EMSY: variants seen among roughly 807,000 people sequenced by gnomAD.
The protein encoded by EMSY is BRCA2-interacting transcriptional repressor EMSY.
EMSY carries 26 observed loss-of-function variants against 134.6 expected under a neutral mutation model. The observed-to-expected ratio is 0.19, with a 90% CI of 0.14 to 0.27. EMSY has a LOEUF of 0.27. EMSY is among the 10% of genes least tolerant of loss of function. The probability of loss-of-function intolerance (pLI) is 1.00; values close to 1 mark genes in which losing one functional copy is unlikely to be tolerated. For missense variants in EMSY, 1,305 were observed against 1,611.4 expected, an observed-to-expected ratio of 0.81 and a Z score of 3.26; for synonymous variants, 579 against 577.8, an observed-to-expected ratio of 1.00 and a Z score of -0.03.
In EMSY at chr11:76,528,426, T is replaced by C. The variant is rs771882531; in HGVS notation, c.2154T>C (p.Asp718=). ...AAGAAGAACCACAGAATTATACAGATAGTAGTTCCTCTTCTACAGAGTCCT... is the reference window on the plus strand; with the variant it reads ...AAGAAGAACCACAGAATTATACAGACAGTAGTTCCTCTTCTACAGAGTCCT... The change falls in exon 14 of 21, where the codon GAT becomes GAC. Residue 718 remains aspartate, a synonymous_variant. Transcript: ENST00000334736. The C allele has an allele frequency of 2.5e-6, 4 of 1,611,286 alleles. No homozygotes were observed. In the South Asian group the frequency reaches 3.3e-5, roughly 13 times the overall value.
chr11:76,450,779 A>G (rs915608642), intron 2 of EMSY, among the ~76,000 whole-genome samples: 1 of 142,654 alleles, frequency 7.0e-6, no homozygotes, highest in Non-Finnish European at 1.5e-5. Context: ...GGTGTGAGCC[A>G]TGAAGCCTGG....
intron 12 of EMSY, among the ~76,000 whole-genome samples, chr11:76,523,868 G>A (rs1444509374): frequency 4.6e-5 from 7 of 151,618 alleles, no homozygotes; most frequent in African/African-American, 1.7e-4. Context: ...AACAAAGCAA[G>A]ACCCCCACCT....
In EMSY at chr11:76,516,355, T is replaced by C. The variant is rs1451443662; in HGVS notation, c.1684+43T>C. The C allele has an allele frequency of 4.3e-6, 6 of 1,391,706 alleles. 1 individual carries two copies. The highest frequency in any genetic ancestry group is 2.5e-5 in the East Asian group (1 of 40,696). The allele number at this position is 1,391,706 out of a possible 1,614,324, so 86.2% of individuals were successfully genotyped here. On this transcript the variant is annotated intron_variant, in intron 11 of 20. Coordinates refer to ENST00000334736, the Ensembl canonical transcript of EMSY. Reference sequence around the variant, plus strand: ...ATGTTAAAGGTATAGGTGGCCTTCATTGAGAGGAAAAAAAAAACTTACTTC... The same window carrying C: ...ATGTTAAAGGTATAGGTGGCCTTCACTGAGAGGAAAAAAAAAACTTACTTC...
chr11:76,454,890 A>G (rs765362474), intron 4 of EMSY, 100 bp downstream of exon 5: 11 of 891,008 alleles, frequency 1.2e-5, no homozygotes, highest in Middle Eastern at 4.5e-4. Context: ...TTTATGAATT[A>G]ACCATGCCCC....
chr11:76,476,239 C>T (rs903277928), intron 8 of EMSY, among the ~76,000 whole-genome samples: 2 of 152,084 alleles, frequency 1.3e-5, no homozygotes, highest in African/African-American at 4.8e-5. Context: ...CTTGTTGCAT[C>T]GTTTTAAGAG....
exon 20 of EMSY, chr11:76,546,011 T>A (rs2136822837): frequency 6.2e-7 from 1 of 1,614,140 alleles, no homozygotes. Context: ...GATACAAATG[T>A]AGAACATATG....
At chr11:76,539,566 G>A in intron 16 of EMSY, 33 bp from the exon 18 acceptor site, 2 of 1,609,946 alleles carry the variant, frequency 1.2e-6, no homozygotes, top group Non-Finnish European at 1.7e-6. Flanking sequence ...CAGATGAAAA[G>A]ACTATGATTT....
intron 7 of EMSY, 142 bp from the exon 9 acceptor site, chr11:76,472,422 T>C: frequency 1.3e-6 from 1 of 769,126 alleles, no homozygotes; most frequent in Non-Finnish European, 2.0e-6. Context: ...AAAATTTTAA[T>C]ATATTTTTAG....
chr11:76,500,286 CTT>C lies in EMSY; in HGVS notation c.1363+3819_1363+3820del, dbSNP rs562872584. 1.1e-3 allele frequency among the ~76,000 whole-genome samples: 161 copies of C among 152,238 alleles called. 1 individual carries two copies. Among genetic ancestry groups the C allele is most frequent in the Non-Finnish European group, 1.9e-3 (129 of 68,022 alleles). On this transcript the variant is annotated intron_variant, in intron 9 of 20. Transcript: ENST00000334736. Reference sequence around the variant, plus strand: ...ATACTTAATGTTACTGGCTCAGAGACTTTGCCAAAGGATAGAAATAATTCATA... The same window carrying C: ...ATACTTAATGTTACTGGCTCAGAGACTGCCAAAGGATAGAAATAATTCATA...
chr11:76,546,108 A>T, exon 20 of EMSY: 1 of 1,614,166 alleles, frequency 6.2e-7, no homozygotes, highest in South Asian at 1.1e-5. Context: ...TGGTGGTGGC[A>T]GGGATGGCGA....
chr11:76,511,536 A>G (rs1950276251), intron 9 of EMSY, among the ~76,000 whole-genome samples: 1 of 152,030 alleles, frequency 6.6e-6, no homozygotes, highest in African/African-American at 2.4e-5. Context: ...TGTCTCTGCT[A>G]AAAATACAAA....
chr11:76,544,501 A>G, exon 19 of EMSY: 1 of 1,614,166 alleles, frequency 6.2e-7, no homozygotes, highest in Non-Finnish European at 8.5e-7. Context: ...ACCTGCAGGC[A>G]GACCAGCTCC....
At chr11:76,447,194 G>A (rs1046072320) in intron 2 of EMSY, among the ~76,000 whole-genome samples, 186 bp downstream of exon 2, 9 of 152,204 alleles carry the variant, frequency 5.9e-5, no homozygotes, top group Non-Finnish European at 1.5e-5. Flanking sequence ...AATAGTAGGT[G>A]TGTGAATTGT....
intron 1 of EMSY, among the ~76,000 whole-genome samples, chr11:76,446,550 A>G (rs1365432614): frequency 6.6e-6 from 1 of 152,112 alleles, no homozygotes; most frequent in Middle Eastern, 3.2e-3. Context: ...AATGCCAGCC[A>G]CTATGAAAGA....
At chr11:76,500,601 A>G (rs1393082121) in intron 9 of EMSY, among the ~76,000 whole-genome samples, 1 of 152,246 alleles carries the variant, frequency 6.6e-6, no homozygotes, top group Non-Finnish European at 1.5e-5. Flanking sequence ...ATTACAGAGT[A>G]ATGTATGCTC....
At chr11:76,458,070 A>T in intron 4 of EMSY, 113 bp from the exon 6 acceptor site, 2 of 895,378 alleles carry the variant, frequency 2.2e-6, no homozygotes, top group East Asian at 2.9e-5. Context: ...AGCCTCTCCT[A>T]TTCACTCAGG....
At chr11:76,448,432 C>T (rs987339349) in intron 2 of EMSY, among the ~76,000 whole-genome samples, 1 of 151,952 alleles carries the variant, frequency 6.6e-6, no homozygotes. Context: ...AAGTTGGACT[C>T]ATATTTATTT....
chr11:76,494,656 T>TC (rs1949559111), intron 8 of EMSY, among the ~76,000 whole-genome samples: 8 of 1,674 alleles, frequency 4.8e-3, no homozygotes, highest in Admixed American at 0.015. Flanking sequence ...TTTCCCTTCC[T>TC]TCCTTCCTTC....
intron 8 of EMSY, among the ~76,000 whole-genome samples, chr11:76,494,722 CCTTCCTTCCTTCCTTT>C (rs1565314978): frequency 2.5e-5 from 2 of 81,442 alleles, no homozygotes; most frequent in Non-Finnish European, 4.9e-5. Flanking sequence ...TTCCTTCCTT[CCTTCCTTCCTTCCTTT>C]CCTTCCTTCC....
Sources: allele counts gnomAD v4.1 joint callset (sites outside exome capture counted in the v4.1 genomes callset), GRCh38; gene constraint gnomAD v4.1.1; transcripts MANE v1.5; gene names NCBI Gene and HGNC (gene_info 2026-07-23, HGNC 2026-07-21).